MARCHF8: variants seen among roughly 807,000 people sequenced by gnomAD.
MARCHF8 encodes E3 ubiquitin-protein ligase MARCHF8.
MARCHF8 carries 40 observed loss-of-function variants against 51.6 expected under a neutral mutation model. That is an observed-to-expected ratio of 0.77 (90% CI 0.60 to 1.01). The LOEUF is 1.01. Among genes scored for constraint, MARCHF8 ranks in the 50% least tolerant of loss-of-function variants. The pLI, the probability that MARCHF8 is intolerant of heterozygous loss-of-function variation, is 0.00. For synonymous variants in MARCHF8, 263 were observed against 280.3 expected, an observed-to-expected ratio of 0.94 and a Z score of 0.62; for missense variants, 685 against 708.6, an observed-to-expected ratio of 0.97 and a Z score of 0.38.
At chr10:45,544,016 T>C (rs1239968414) in intron 1 of MARCHF8, among the ~76,000 whole-genome samples, 1 of 151,980 alleles carries the variant, frequency 6.6e-6, no homozygotes, top group Non-Finnish European at 1.5e-5. Flanking sequence ...TACAGTGAGC[T>C]ATGATCACAA....
intron 1 of MARCHF8, among the ~76,000 whole-genome samples, chr10:45,578,563 A>G (rs965548424): frequency 7.2e-5 from 11 of 152,322 alleles, no homozygotes; most frequent in African/African-American, 2.4e-4. Flanking sequence ...CTGGACGCTA[A>G]AACTAGTGGG....
chr10:45,514,804 A>G (rs558519171), intron 2 of MARCHF8, among the ~76,000 whole-genome samples: 4 of 152,254 alleles, frequency 2.6e-5, no homozygotes, highest in Non-Finnish European at 4.4e-5. Context: ...ATTTTTTTTA[A>G]TGTAGAAAAG....
intron 3 of MARCHF8, among the ~76,000 whole-genome samples, chr10:45,475,888 C>T (rs1248408513): frequency 6.6e-6 from 1 of 152,188 alleles, no homozygotes; most frequent in Non-Finnish European, 1.5e-5. Context: ...CCTGGTATCC[C>T]TGTCCCCAGC....
chr10:45,503,356 T>G (rs940825376), intron 2 of MARCHF8, among the ~76,000 whole-genome samples: 2 of 151,798 alleles, frequency 1.3e-5, no homozygotes, highest in Non-Finnish European at 2.9e-5. Context: ...GCCAACACGG[T>G]AAAACCCCGT....
intron 1 of MARCHF8, among the ~76,000 whole-genome samples, chr10:45,575,032 ACTCTT>A (rs2044473658): frequency 6.6e-6 from 1 of 151,522 alleles, no homozygotes; most frequent in African/African-American, 2.4e-5. Flanking sequence ...TTTAATAAAA[ACTCTT>A]CTCAAAGCCG....
At chr10:45,571,789 C>T (rs535371226) in intron 1 of MARCHF8, among the ~76,000 whole-genome samples, 8 of 152,258 alleles carry the variant, frequency 5.3e-5, no homozygotes, top group Middle Eastern at 3.4e-3. Flanking sequence ...TTTCAATCTT[C>T]GCGCCACACT....
intron 3 of MARCHF8, among the ~76,000 whole-genome samples, chr10:45,466,552 T>C (rs1488043209): frequency 2.0e-5 from 3 of 152,146 alleles, no homozygotes; most frequent in African/African-American, 7.2e-5. Context: ...TGATGAGGCA[T>C]TGAAGGAAGC....
At chr10:45,575,709 C>T (rs1230727352) in intron 1 of MARCHF8, among the ~76,000 whole-genome samples, 1 of 152,176 alleles carries the variant, frequency 6.6e-6, no homozygotes, top group South Asian at 2.1e-4. Flanking sequence ...GAATGTTAGG[C>T]CTCTGAGCCC....
chr10:45,511,404 C>T (rs2043499664), intron 2 of MARCHF8, among the ~76,000 whole-genome samples: 1 of 151,992 alleles, frequency 6.6e-6, no homozygotes, highest in South Asian at 2.1e-4. Flanking sequence ...TCCCTCTCCC[C>T]ACGGCCCACG....
intron 1 of MARCHF8, chr10:45,593,640 G>GGAATGAA (rs1365933443): frequency 2.6e-5 from 4 of 152,196 alleles, no homozygotes; most frequent in African/African-American, 9.7e-5. Context: ...TCAGCAATGA[G>GGAATGAA]GAATGAAGTC....
At chr10:45,509,827 T>C (rs1306914104) in intron 2 of MARCHF8, among the ~76,000 whole-genome samples, 3 of 152,172 alleles carry the variant, frequency 2.0e-5, no homozygotes, top group Non-Finnish European at 4.4e-5. Flanking sequence ...GATATAGAGT[T>C]ATTGGCATAG....
chr10:45,508,059 A>C (rs368965715), intron 2 of MARCHF8, among the ~76,000 whole-genome samples: 1 of 152,140 alleles, frequency 6.6e-6, no homozygotes, highest in Non-Finnish European at 1.5e-5. Context: ...TTTCTCACTT[A>C]TGAAAGAGCC....
upstream of MARCHF8, among the ~76,000 whole-genome samples, chr10:45,539,598 G>C (rs2133301697): frequency 2.0e-5 from 3 of 152,232 alleles, no homozygotes; most frequent in Admixed American, 2.0e-4. Context: ...AGAAAAGACA[G>C]AAGAATCAAA....
At chr10:45,512,472 G>A (rs910767388) in intron 2 of MARCHF8, among the ~76,000 whole-genome samples, 2 of 150,792 alleles carry the variant, frequency 1.3e-5, no homozygotes, top group Non-Finnish European at 3.0e-5. Context: ...GCCCCTACTG[G>A]GAAGTGAGGA....
At chr10:45,585,288 T>C (rs1354510520) in intron 1 of MARCHF8, among the ~76,000 whole-genome samples, 6 of 152,064 alleles carry the variant, frequency 3.9e-5, no homozygotes, top group African/African-American at 1.4e-4. Flanking sequence ...ACATGCACAA[T>C]GTTCACATCA....
At chr10:45,459,022 C>T in intron 7 of MARCHF8, 98 bp downstream of exon 7, 1 of 1,507,870 alleles carries the variant, frequency 6.6e-7, no homozygotes. Context: ...CCTCCGGAAA[C>T]CCAGACGTTT....
chr10:45,515,007 T>C (rs1220500576), intron 2 of MARCHF8, among the ~76,000 whole-genome samples: 1 of 152,192 alleles, frequency 6.6e-6, no homozygotes. Flanking sequence ...AGGGGAGCTC[T>C]GCGTATCAAT....
intron 3 of MARCHF8, among the ~76,000 whole-genome samples, chr10:45,483,559 T>C (rs1200754602): frequency 6.6e-6 from 1 of 152,206 alleles, no homozygotes; most frequent in Non-Finnish European, 1.5e-5. Flanking sequence ...GCAATCTCAC[T>C]ACAGAGTATT....
intron 1 of MARCHF8, among the ~76,000 whole-genome samples, chr10:45,554,774 G>T (rs2044232889): frequency 6.6e-6 from 1 of 152,204 alleles, no homozygotes; most frequent in Non-Finnish European, 1.5e-5. Context: ...TAAAATTAGG[G>T]CCGGGCGTGG....
Sources: gnomAD v4.1 joint callset for allele counts (sites outside exome capture counted in the v4.1 genomes callset) on GRCh38, gnomAD v4.1.1 for gene constraint, MANE v1.5 for transcripts, NCBI Gene and HGNC (gene_info 2026-07-23, HGNC 2026-07-21) for gene names.